The following TAFA5 variants were observed in gnomAD, a reference collection of about 807,000 sequenced individuals.
TAFA5 encodes the protein chemokine-like protein TAFA-5.
A neutral mutation model predicts 15.3 loss-of-function variants in TAFA5; 6 were observed. That is an observed-to-expected ratio of 0.39 (90% CI 0.21 to 0.77). TAFA5 has a LOEUF of 0.77. Ranked by LOEUF, TAFA5 falls within the 30% of genes least tolerant of loss-of-function variation. The pLI, the probability that TAFA5 is intolerant of heterozygous loss-of-function variation, is 0.41. For missense variants in TAFA5, 161 were observed against 193.1 expected, an observed-to-expected ratio of 0.83 and a Z score of 0.98; for synonymous variants, 103 against 80.7, an observed-to-expected ratio of 1.28 and a Z score of -1.48.
At chr22:48,499,825 C>T (rs1445918559) in intron 1 of TAFA5, among the ~76,000 whole-genome samples, 3 of 152,148 alleles carry the variant, frequency 2.0e-5, no homozygotes, top group Non-Finnish European at 4.4e-5. Flanking sequence ...GTCCCCTTGT[C>T]GTGCATGTGG....
chr22:48,577,239 C>CT (rs1307400061), intron 1 of TAFA5, among the ~76,000 whole-genome samples: 7 of 152,214 alleles, frequency 4.6e-5, no homozygotes, highest in Non-Finnish European at 1.5e-5. Flanking sequence ...TGGAGAGGCC[C>CT]TTTGTACTGG....
chr22:48,587,670 GC>G (rs1479069164), intron 1 of TAFA5, among the ~76,000 whole-genome samples: 1 of 152,194 alleles, frequency 6.6e-6, no homozygotes, highest in African/African-American at 2.4e-5. Context: ...GGTAGGCCAG[GC>G]CCTGGCTCTC....
intron 3 of TAFA5, among the ~76,000 whole-genome samples, chr22:48,721,884 G>A (rs192567593): frequency 4.7e-4 from 71 of 152,186 alleles, no homozygotes; most frequent in Non-Finnish European, 7.9e-4. Context: ...CAGGAGAATC[G>A]CTTGATCGCT....
intron 1 of TAFA5, among the ~76,000 whole-genome samples, chr22:48,601,963 CA>C (rs1924990383): frequency 2.6e-5 from 4 of 152,166 alleles, no homozygotes; most frequent in Admixed American, 6.5e-5. Context: ...CTGGCACATA[CA>C]GACCGTGCCA....
At chr22:48,579,129 TCC>T (rs201378759) in intron 1 of TAFA5, among the ~76,000 whole-genome samples, 28 of 80,712 alleles carry the variant, frequency 3.5e-4, no homozygotes, top group East Asian at 2.9e-3. Flanking sequence ...GGCTAATCCG[TCC>T]CCCCCTGGCC....
chr22:48,562,384 T>C (rs133450), intron 1 of TAFA5, among the ~76,000 whole-genome samples: 99,627 of 152,120 alleles, frequency 0.65, 32,860 homozygotes, highest in South Asian at 0.72. Context: ...GCGATCTGCC[T>C]GCCTCGGCCT....
At chr22:48,744,025 G>A (rs927158930) in intron 3 of TAFA5, among the ~76,000 whole-genome samples, 6 of 152,192 alleles carry the variant, frequency 3.9e-5, no homozygotes, top group South Asian at 2.1e-4. Flanking sequence ...TGGGTTTGCC[G>A]TCGGGGAAGC....
At chr22:48,548,164 G>A (rs1442835808) in intron 1 of TAFA5, among the ~76,000 whole-genome samples, 2 of 152,222 alleles carry the variant, frequency 1.3e-5, no homozygotes, top group Non-Finnish European at 2.9e-5. Flanking sequence ...GCCCCGTGGG[G>A]CTTTGTCCAG....
intron 1 of TAFA5, among the ~76,000 whole-genome samples, chr22:48,569,383 T>A (rs1838794518): frequency 6.6e-6 from 1 of 152,198 alleles, no homozygotes; most frequent in Non-Finnish European, 1.5e-5. Context: ...ATCGATTCAA[T>A]AAACCGTGTG....
chr22:48,571,608 C>CTTTTTTTTTTTTTTTTTTTT (rs1601586303), intron 1 of TAFA5, among the ~76,000 whole-genome samples: 7 of 33,538 alleles, frequency 2.1e-4, no homozygotes, highest in Admixed American at 8.9e-4. Flanking sequence ...TTTTTTTTTG[C>CTTTTTTTTTTTTTTTTTTTT]TTTAAAAAAA....
intron 1 of TAFA5, among the ~76,000 whole-genome samples, chr22:48,629,358 C>G (rs898398851): frequency 6.6e-6 from 1 of 152,312 alleles, no homozygotes; most frequent in South Asian, 2.1e-4. Context: ...GGCCTCGGCA[C>G]CCCGGGGCTT....
At chr22:48,633,506 CTGTCTGTCTGTCTGTCTG>C (rs1180319258) in intron 1 of TAFA5, among the ~76,000 whole-genome samples, 1 of 68,648 alleles carries the variant, frequency 1.5e-5, no homozygotes. Context: ...GTCTGTCTGT[CTGTCTGTCTGTCTGTCTG>C]TCTGTCTGTC....
chr22:48,679,705 G>A (rs1372047846), intron 2 of TAFA5, among the ~76,000 whole-genome samples: 3 of 113,296 alleles, frequency 2.6e-5, no homozygotes, highest in Non-Finnish European at 5.3e-5. Flanking sequence ...CCGTCTCCCC[G>A]TCCATCCCTC....
intron 1 of TAFA5, among the ~76,000 whole-genome samples, chr22:48,531,557 G>A (rs765397750): frequency 2.4e-4 from 36 of 152,326 alleles, no homozygotes; most frequent in Non-Finnish European, 4.3e-4. Flanking sequence ...TGGCATTGGC[G>A]TCAGGTTGGG....
chr22:48,522,119 G>A (rs1203889603), intron 1 of TAFA5, among the ~76,000 whole-genome samples: 6 of 146,984 alleles, frequency 4.1e-5, no homozygotes, highest in Non-Finnish European at 9.0e-5. Context: ...CAAGGACGTT[G>A]TTTTGTTTTT....
At chr22:48,542,647 T>TG (rs1922491056) in intron 1 of TAFA5, among the ~76,000 whole-genome samples, 1 of 128,040 alleles carries the variant, frequency 7.8e-6, no homozygotes, top group Admixed American at 7.9e-5. Context: ...GATGTGTGTG[T>TG]GTGGTGTGTG....
At chr22:48,616,291 G>A (rs534240926) in intron 1 of TAFA5, among the ~76,000 whole-genome samples, 4 of 152,280 alleles carry the variant, frequency 2.6e-5, no homozygotes, top group East Asian at 3.9e-4. Context: ...CCGTAACCCC[G>A]CCGTGCTGAT....
intron 1 of TAFA5, among the ~76,000 whole-genome samples, chr22:48,504,513 G>A (rs1041216039): frequency 4.0e-5 from 6 of 150,896 alleles, no homozygotes; most frequent in Admixed American, 3.9e-4. Flanking sequence ...TGGTGAGGCC[G>A]TGAGTCCGGG....
intron 3 of TAFA5, among the ~76,000 whole-genome samples, chr22:48,718,922 C>T (rs1929485639): frequency 6.6e-6 from 1 of 152,208 alleles, no homozygotes; most frequent in Non-Finnish European, 1.5e-5. Flanking sequence ...CTCACTGTCA[C>T]CATGGCTGAG....
Sources: allele counts gnomAD v4.1 joint callset (sites outside exome capture counted in the v4.1 genomes callset), GRCh38; gene constraint gnomAD v4.1.1; transcripts MANE v1.5; gene names NCBI Gene and HGNC (gene_info 2026-07-23, HGNC 2026-07-21).